Variants in SMARCA2 observed in about 807,000 individuals in gnomAD.
SMARCA2 encodes SWI/SNF related BAF chromatin remodeling complex subunit ATPase 2, also known as SWI/SNF-related matrix-associated actin-dependent regulator of chromatin subfamily A member 2.
In SMARCA2, 61 loss-of-function variants were observed where a neutral mutation model predicts 199.8. The observed-to-expected ratio is 0.31, with a 90% CI of 0.25 to 0.38. The LOEUF is 0.38. SMARCA2 is among the 10% of genes least tolerant of loss of function. The pLI is 1.00. For synonymous variants in SMARCA2, 935 were observed against 732.0 expected, an observed-to-expected ratio of 1.28 and a Z score of -4.48; for missense variants, 1,344 against 2,012.2, an observed-to-expected ratio of 0.67 and a Z score of 6.35.
rs1825679281 is a variant in SMARCA2, at chr9:2,161,599, T to C, written c.3982-87T>C. On this transcript the variant is annotated intron_variant, in intron 27 of 33. Transcript: ENST00000349721. This position sits in a 1 kb window ranked among gnomAD's most constrained non-coding sequence, Gnocchi z 4.7. Reference sequence around the variant, plus strand: ...AATTTCTTTCATTTTATTCTAATTGTTGGAGCTATATATAAATATACACAT... The same window carrying C: ...AATTTCTTTCATTTTATTCTAATTGCTGGAGCTATATATAAATATACACAT... 1 of 848,374 alleles carries C rather than the reference T, an allele frequency of 1.2e-6. No homozygotes were observed. The highest frequency in any genetic ancestry group is 1.9e-6 in the Non-Finnish European group (1 of 535,024). The allele number at this position is 848,374 out of a possible 1,614,324, so 52.6% of individuals were successfully genotyped here.
chr9:2,190,733 T>G lies in SMARCA2; in HGVS notation c.4595-533T>G, dbSNP rs1827820719. Reference sequence around the variant, plus strand: ...AATAATTAGTTATAGGGAAAGAGACTAGGAATGGGGGAAAGGAAGCATTCA... The same window carrying G: ...AATAATTAGTTATAGGGAAAGAGACGAGGAATGGGGGAAAGGAAGCATTCA... On this transcript the variant is annotated intron_variant, in intron 32 of 33. Coordinates refer to ENST00000349721, the MANE Select transcript of SMARCA2 (RefSeq NM_003070.5). Among the ~76,000 whole-genome samples the G allele has an allele frequency of 3.3e-5, 5 of 152,272 alleles. No homozygotes were observed. In the South Asian group the frequency reaches 1.0e-3, roughly 32 times the overall value.
At chr9:2,051,859 A>G (rs902234285) in intron 5 of SMARCA2, among the ~76,000 whole-genome samples, 6 of 152,216 alleles carry the variant, frequency 3.9e-5, no homozygotes, top group African/African-American at 1.2e-4. Flanking sequence ...AAAAAAATCA[A>G]TAGTGGATTT....
chr9:2,166,360 T>C (rs7858605), intron 28 of SMARCA2, among the ~76,000 whole-genome samples: 62,973 of 151,948 alleles, frequency 0.41, 13,270 homozygotes, highest in Admixed American at 0.45. Flanking sequence ...TGTTTACTTT[T>C]TCCAGCAACC....
At chr9:2,064,341 T>C (rs1419605165) in intron 9 of SMARCA2, among the ~76,000 whole-genome samples, 2 of 152,238 alleles carry the variant, frequency 1.3e-5, no homozygotes, top group Non-Finnish European at 2.9e-5. Flanking sequence ...TCATGATCTG[T>C]AAGAAGGCAA....
intron 27 of SMARCA2, among the ~76,000 whole-genome samples, chr9:2,127,457 C>T (rs1187529775): frequency 6.6e-6 from 1 of 152,176 alleles, no homozygotes; most frequent in Non-Finnish European, 1.5e-5. Flanking sequence ...CCTGAAAGTC[C>T]ATGGTAGGTA....
chr9:2,155,420 C>G (rs1305306820), intron 27 of SMARCA2, among the ~76,000 whole-genome samples: 1 of 151,960 alleles, frequency 6.6e-6, no homozygotes, highest in Non-Finnish European at 1.5e-5. Context: ...GTAGCTGGGA[C>G]TACAGGCACG....
intron 28 of SMARCA2, among the ~76,000 whole-genome samples, chr9:2,166,819 A>G (rs1825955819): frequency 6.6e-6 from 1 of 152,154 alleles, no homozygotes. Context: ...TGTCACCCAC[A>G]TTTATCCTTT....
At chr9:2,149,396 C>T (rs748811993) in intron 27 of SMARCA2, among the ~76,000 whole-genome samples, 25 of 150,896 alleles carry the variant, frequency 1.7e-4, no homozygotes, top group African/African-American at 4.4e-4. Context: ...GGTGGGTGCC[C>T]GTAATCCAAG....
At chr9:2,061,663 G>A (rs370565467) in intron 9 of SMARCA2, among the ~76,000 whole-genome samples, 48 of 152,310 alleles carry the variant, frequency 3.2e-4, no homozygotes, top group East Asian at 1.9e-3. Flanking sequence ...TCATCCAGTC[G>A]TCTAGTTAGT....
At chr9:2,178,150 C>G (rs1340021687) in intron 29 of SMARCA2, among the ~76,000 whole-genome samples, 1 of 152,114 alleles carries the variant, frequency 6.6e-6, no homozygotes, top group Non-Finnish European at 1.5e-5. Context: ...ATCTCGTACT[C>G]TATGGTCTCA....
In SMARCA2 at chr9:2,070,466, G is replaced by A; in HGVS notation, c.1741G>A (p.Gly581Arg). ...TGGGGAGTCTGCCCTGGGACCGGAT[G>A]GAGAGGTAAGGGATCGTCATCCTTT... ...EGGESALGPD[G>R]EPIDESSQMS... The change falls in exon 10 of 34, where the codon GGA (glycine) becomes AGA (arginine). Residue 581 changes from glycine (G) to arginine (R), a missense_variant. Gly to Arg is a moderately radical substitution (Grantham distance 125). Coordinates refer to ENST00000349721, the MANE Select transcript of SMARCA2 (RefSeq NM_003070.5). 6.2e-7 allele frequency: 1 copy of A among 1,612,754 alleles called. No homozygotes were observed. Among genetic ancestry groups the A allele is most frequent in the Non-Finnish European group, 8.5e-7 (1 of 1,178,832 alleles).
intron 26 of SMARCA2, among the ~76,000 whole-genome samples, chr9:2,120,150 A>C (rs922726920): frequency 6.6e-6 from 1 of 152,248 alleles, no homozygotes; most frequent in African/African-American, 2.4e-5. Context: ...AAGGATCAAA[A>C]TCAGTTGGAT....
intron 27 of SMARCA2, among the ~76,000 whole-genome samples, chr9:2,149,678 A>G (rs960222530): frequency 6.6e-6 from 1 of 151,712 alleles, no homozygotes; most frequent in Admixed American, 6.6e-5. Flanking sequence ...AGTACAATTC[A>G]AGATGAGATT....
At chr9:2,192,568 C>A (rs1325491714) in intron 33 of SMARCA2, 136 bp from the exon 34 acceptor site, 2 of 731,396 alleles carry the variant, frequency 2.7e-6, no homozygotes, top group Non-Finnish European at 5.0e-6. Context: ...TGTTTCTGTC[C>A]TCCCACGGAA....
chr9:2,106,037 G>C (rs1458132035), intron 23 of SMARCA2, among the ~76,000 whole-genome samples: 1 of 152,196 alleles, frequency 6.6e-6, no homozygotes, highest in East Asian at 1.9e-4. Context: ...AGTCACAACA[G>C]CTAACATGTA....
intron 9 of SMARCA2, among the ~76,000 whole-genome samples, chr9:2,063,153 G>T (rs1458448580): frequency 6.6e-6 from 1 of 152,136 alleles, no homozygotes; most frequent in African/African-American, 2.4e-5. Flanking sequence ...TTTCCTTCCA[G>T]GGTATCTTAC....
chr9:2,113,456 T>G (rs573378390), intron 24 of SMARCA2, among the ~76,000 whole-genome samples: 5 of 152,200 alleles, frequency 3.3e-5, no homozygotes, highest in Non-Finnish European at 7.3e-5. Flanking sequence ...TAAGTCAGTG[T>G]GATGAAGTTT....
intron 33 of SMARCA2, 112 bp from the exon 34 acceptor site, chr9:2,192,592 G>A (rs1827961361): frequency 2.5e-6 from 2 of 796,614 alleles, no homozygotes; most frequent in African/African-American, 1.7e-5. Context: ...GATTTGGCGA[G>A]TTGTTTCCAA....
chr9:2,159,931 C>A, intron 27 of SMARCA2: 2 of 1,598,812 alleles, frequency 1.3e-6, no homozygotes, highest in Non-Finnish European at 1.7e-6. Flanking sequence ...TTTTCGTTGC[C>A]GTCTTGAAGA....
Sources: gnomAD v4.1 joint callset for allele counts (sites outside exome capture counted in the v4.1 genomes callset) on GRCh38, gnomAD v4.1.1 for gene constraint, Gnocchi (gnomAD v3.1) non-coding constraint, MANE v1.5 for transcripts, NCBI Gene and HGNC (gene_info 2026-07-23, HGNC 2026-07-21) for gene names.